The following DIAPH3 variants were observed in gnomAD, a reference collection of about 807,000 sequenced individuals.
DIAPH3 encodes the protein protein diaphanous homolog 3.
Under a neutral mutation model 144.3 loss-of-function variants are expected in DIAPH3, and 117 were observed. That is an observed-to-expected ratio of 0.81 (90% CI 0.70 to 0.95). The LOEUF (loss-of-function observed/expected upper bound fraction) is 0.95, where lower values mean the gene tolerates loss of function less well. DIAPH3 is among the 40% of genes least tolerant of loss of function. The pLI is 0.00. For synonymous variants in DIAPH3, 519 were observed against 488.9 expected, an observed-to-expected ratio of 1.06 and a Z score of -0.81; for missense variants, 1,421 against 1,412.7, an observed-to-expected ratio of 1.01 and a Z score of -0.09.
intron 18 of DIAPH3, among the ~76,000 whole-genome samples, chr13:59,918,071 A>G (rs1208802923): frequency 6.6e-6 from 1 of 151,792 alleles, no homozygotes; most frequent in Non-Finnish European, 1.5e-5. Context: ...TGTGAAAGAA[A>G]ATACCTTCAA....
rs1029143512 is a variant in DIAPH3, at chr13:60,016,246, G to A, written c.627-101C>T. ...TTTTATATTTGCTATATTCCTAATC[G>A]TAACTAAAACATAAGAATAACACCA... On this transcript the variant is annotated intron_variant, in intron 5 of 27. Transcript: ENST00000400324. 4.6e-5 allele frequency: 49 copies of A among 1,063,688 alleles called. 1 individual carries two copies. Among genetic ancestry groups the A allele is most frequent in the South Asian group, 2.9e-4 (21 of 72,332 alleles). The allele number at this position is 1,063,688 out of a possible 1,614,324, so 65.9% of individuals were successfully genotyped here.
intron 20 of DIAPH3, among the ~76,000 whole-genome samples, chr13:59,907,185 A>T (rs959286343): frequency 6.6e-6 from 1 of 152,206 alleles, no homozygotes; most frequent in Non-Finnish European, 1.5e-5. Context: ...TGCCTCTCAA[A>T]TATACACCAA....
chr13:59,759,031 A>G (rs2139175303), intron 27 of DIAPH3, among the ~76,000 whole-genome samples: 1 of 149,606 alleles, frequency 6.7e-6, no homozygotes, highest in African/African-American at 2.5e-5. Context: ...GGCTCAAGCT[A>G]TCCTCCTGCC....
At chr13:59,797,057 A>C (rs1312880326) in intron 25 of DIAPH3, among the ~76,000 whole-genome samples, 1 of 152,212 alleles carries the variant, frequency 6.6e-6, no homozygotes, top group African/African-American at 2.4e-5. Context: ...CCTTAGCACC[A>C]AACATTTCAT....
intron 27 of DIAPH3, among the ~76,000 whole-genome samples, chr13:59,729,808 A>ATTTTTTTTTTTT (rs202135165): frequency 1.1e-4 from 13 of 115,208 alleles, no homozygotes; most frequent in Admixed American, 1.9e-4. Context: ...GAATACATTA[A>ATTTTTTTTTTTT]TATTTTTTTT....
At chr13:59,896,792 T>C (rs1442806281) in intron 20 of DIAPH3, among the ~76,000 whole-genome samples, 1 of 152,228 alleles carries the variant, frequency 6.6e-6, no homozygotes, top group Non-Finnish European at 1.5e-5. Flanking sequence ...GAGAAGCTTA[T>C]TCTAATTACT....
At chr13:59,792,295 C>T (rs1293230886) in intron 25 of DIAPH3, among the ~76,000 whole-genome samples, 2 of 152,082 alleles carry the variant, frequency 1.3e-5, no homozygotes, top group Non-Finnish European at 2.9e-5. Flanking sequence ...GTAAAAAGCA[C>T]CCGCCTTTGA....
intron 21 of DIAPH3, among the ~76,000 whole-genome samples, chr13:59,870,829 C>A (rs1199199289): frequency 6.6e-6 from 1 of 151,956 alleles, no homozygotes; most frequent in Non-Finnish European, 1.5e-5. Flanking sequence ...TGCCACCACG[C>A]CTGGCTAATT....
intron 25 of DIAPH3, among the ~76,000 whole-genome samples, chr13:59,798,072 C>T (rs1051446888): frequency 2.6e-5 from 4 of 152,112 alleles, no homozygotes; most frequent in Non-Finnish European, 5.9e-5. Flanking sequence ...ATGAAGTATT[C>T]TCCCTGTCTC....
At position 60,106,919 on chromosome 13, in the gene DIAPH3, C is replaced by G. The variant is rs1160852842; in HGVS notation, c.390+5091G>C. On this transcript the variant is annotated intron_variant, in intron 3 of 27. Transcript: ENST00000400324. ...ATTAACCAGCCTGCAATCTTCAAAA[C>G]TTTCAAATTCATAAAATACAAGGAA... Among the ~76,000 whole-genome samples, 3 of 152,068 alleles carry G rather than the reference C, an allele frequency of 2.0e-5. No homozygotes were observed. The East Asian group carries it at 5.8e-4, about 29-fold the overall frequency.
At chr13:59,946,734 T>C (rs921911681) in intron 17 of DIAPH3, among the ~76,000 whole-genome samples, 1 of 152,194 alleles carries the variant, frequency 6.6e-6, no homozygotes, top group African/African-American at 2.4e-5. Context: ...AAGTTATTCT[T>C]CTAAAAATGT....
chr13:59,758,910 G>C (rs915108807), intron 27 of DIAPH3, among the ~76,000 whole-genome samples: 1 of 151,246 alleles, frequency 6.6e-6, no homozygotes, highest in African/African-American at 2.4e-5. Context: ...CTCCTGAGTA[G>C]GTGGGACCAT....
chr13:59,802,662 T>TTA (rs1464215390), intron 25 of DIAPH3, among the ~76,000 whole-genome samples: 1 of 34,460 alleles, frequency 2.9e-5, no homozygotes, highest in African/African-American at 8.6e-5. Context: ...ATTATTATTA[T>TTA]TATTATTTTT....
At chr13:59,827,862 C>G (rs754587391) in intron 24 of DIAPH3, among the ~76,000 whole-genome samples, 9 of 151,972 alleles carry the variant, frequency 5.9e-5, no homozygotes, top group Admixed American at 5.9e-4. Context: ...AACATGAACA[C>G]GCTACAGCTG....
At chr13:59,870,900 C>T (rs1451042041) in intron 21 of DIAPH3, among the ~76,000 whole-genome samples, 1 of 151,540 alleles carries the variant, frequency 6.6e-6, no homozygotes, top group Non-Finnish European at 1.5e-5. Flanking sequence ...GAACTCCCGA[C>T]CTCAGGTGAT....
At chr13:59,899,350 G>A (rs2046307550) in intron 20 of DIAPH3, among the ~76,000 whole-genome samples, 1 of 152,130 alleles carries the variant, frequency 6.6e-6, no homozygotes, top group African/African-American at 2.4e-5. Context: ...AGTATTTTGA[G>A]CAACTGATTA....
intron 4 of DIAPH3, among the ~76,000 whole-genome samples, chr13:60,044,588 C>A (rs767927889): frequency 6.6e-6 from 1 of 152,038 alleles, no homozygotes; most frequent in Non-Finnish European, 1.5e-5. Flanking sequence ...GATTGTTCAA[C>A]AGAGAAAATT....
intron 20 of DIAPH3, among the ~76,000 whole-genome samples, chr13:59,904,417 C>A (rs1173672612): frequency 6.6e-6 from 1 of 151,998 alleles, no homozygotes; most frequent in Admixed American, 6.6e-5. Context: ...TGTCAGTTTA[C>A]CGAAATGATA....
Position 59,924,760 on chromosome 13 carries a change from G to C in DIAPH3, c.2170+15C>G. 1 of 1,597,198 alleles carries C rather than the reference G, an allele frequency of 6.3e-7. No individual in the cohort carries two copies. The highest frequency in any genetic ancestry group is 8.6e-7 in the Non-Finnish European group (1 of 1,168,690). On this transcript the variant is annotated intron_variant, in intron 18 of 27. Transcript: ENST00000400324. ...TTTCCACTGTCTTTGAATGGTATTG[G>C]AATATGATACTTACAAAGGTTCTGG... is the stretch of plus-strand genomic sequence containing the variant.
Sources: gnomAD v4.1 joint callset for allele counts (sites outside exome capture counted in the v4.1 genomes callset) on GRCh38, gnomAD v4.1.1 for gene constraint, MANE v1.5 for transcripts, NCBI Gene and HGNC (gene_info 2026-07-23, HGNC 2026-07-21) for gene names.